The following ZNF670 variants were observed in gnomAD, a reference collection of about 807,000 sequenced individuals.
ZNF670 encodes zinc finger protein 670.
Under a neutral mutation model 10.9 loss-of-function variants are expected in ZNF670, and 7 were observed. That is an observed-to-expected ratio of 0.64 (90% CI 0.36 to 1.20). The LOEUF (loss-of-function observed/expected upper bound fraction) is 1.20, where lower values mean the gene tolerates loss of function less well. Among genes scored for constraint, ZNF670 ranks in the 50% most tolerant of loss-of-function variants. ZNF670 has a pLI of 0.02. For missense variants in ZNF670, 446 were observed against 458.6 expected (o/e 0.97, Z 0.25); for synonymous variants, 136 against 152.7 (o/e 0.89, Z 0.81).
At chr1:247,040,130 ACT>A (rs1558336121) in intron 1 of ZNF670, among the ~76,000 whole-genome samples, 1 of 152,174 alleles carries the variant, frequency 6.6e-6, no homozygotes, top group East Asian at 1.9e-4. Context: ...TCTGAAAAAC[ACT>A]CTGAGCATTA....
chr1:247,035,937 T>C lies in ZNF670; in HGVS notation c.*1512A>G, dbSNP rs1240860881. 6.6e-6 allele frequency among the ~76,000 whole-genome samples: 1 copy of C among 152,190 alleles called. No homozygotes were observed. Among genetic ancestry groups the C allele is most frequent in the East Asian group, 1.9e-4 (1 of 5,198 alleles). On this transcript the variant is annotated 3_prime_UTR_variant, in exon 4 of 4. Transcript: ENST00000366503. Reference sequence around the variant, plus strand: ...ATATCAAAAATCCTCTAATGAGCATTTCTGTTGAGCATAAGACTGGTGCTC... The same window carrying C: ...ATATCAAAAATCCTCTAATGAGCATCTCTGTTGAGCATAAGACTGGTGCTC...
At chr1:247,075,112 C>T (rs1010251041) in intron 1 of ZNF670, among the ~76,000 whole-genome samples, 51 of 152,108 alleles carry the variant, frequency 3.4e-4, no homozygotes, top group Non-Finnish European at 5.9e-4. Context: ...GAGGCACTTA[C>T]GTTTAATACC....
At chr1:247,050,646 T>C (rs1188459623) in intron 1 of ZNF670, among the ~76,000 whole-genome samples, 1 of 151,984 alleles carries the variant, frequency 6.6e-6, no homozygotes, top group Non-Finnish European at 1.5e-5. Flanking sequence ...CAACTAATTT[T>C]TGTATTTTTA....
intron 1 of ZNF670, among the ~76,000 whole-genome samples, chr1:247,072,659 T>C (rs1446721532): frequency 1.3e-5 from 2 of 150,838 alleles, no homozygotes; most frequent in East Asian, 2.0e-4. Context: ...TGGCGGTGCA[T>C]GCCTGTAATC....
chr1:247,063,485 A>G (rs1670908075), intron 1 of ZNF670, among the ~76,000 whole-genome samples: 1 of 148,442 alleles, frequency 6.7e-6, no homozygotes, highest in South Asian at 2.2e-4. Context: ...TGGGAGGCTG[A>G]GGCAGGAGAA....
chr1:247,046,564 A>G (rs1670454038), intron 1 of ZNF670, among the ~76,000 whole-genome samples: 1 of 152,232 alleles, frequency 6.6e-6, no homozygotes, highest in South Asian at 2.1e-4. Flanking sequence ...GGTAGCTTCC[A>G]CCTAAATTTC....
intron 1 of ZNF670, among the ~76,000 whole-genome samples, chr1:247,040,666 C>T (rs1205373646): frequency 1.3e-5 from 2 of 152,046 alleles, no homozygotes; most frequent in Non-Finnish European, 2.9e-5. Context: ...TTTAAATAAG[C>T]AGGAATTTAT....
chr1:247,044,008 A>C (rs989020470), intron 1 of ZNF670: 4 of 198,290 alleles, frequency 2.0e-5, no homozygotes, highest in African/African-American at 9.6e-5. Flanking sequence ...AAGAAGAGTG[A>C]TTTACAAAAA....
At position 247,063,000 on chromosome 1, in the gene ZNF670, T is replaced by C. The variant is rs138611437; in HGVS notation, c.3+15594A>G. Among the ~76,000 whole-genome samples the C allele has an allele frequency of 2.6e-3, 398 of 152,326 alleles. 4 individuals carry two copies. The highest frequency in any genetic ancestry group is 9.3e-3 in the African/African-American group (386 of 41,566). ...GATACATCACTCTTTACAGTTTCCA[T>C]AGAGGAATCTCAGCCCAAAGACATT... On this transcript the variant is annotated intron_variant, in intron 1 of 3. Transcript: ENST00000366503.
Position 247,078,583 on chromosome 1 carries a change from G to A in ZNF670, c.3+11C>T, listed in dbSNP as rs1222197822. ...TTTCCCCTTCCCGAGACACCTGGCC[G>A]GCACACTCACCATTTCCCAGTCTCC... On this transcript the variant is annotated intron_variant, in intron 1 of 3. Transcript: ENST00000366503. The A allele has an allele frequency of 6.2e-7, 1 of 1,613,792 alleles. No homozygotes were observed. The highest frequency in any genetic ancestry group is 8.5e-7 in the Non-Finnish European group (1 of 1,179,864).
chr1:247,067,674 CT>C lies in ZNF670; in HGVS notation c.3+10919del, dbSNP rs1406395313. On this transcript the variant is annotated intron_variant, in intron 1 of 3. Coordinates refer to ENST00000366503, the MANE Select transcript of ZNF670 (RefSeq NM_033213.5). Reference sequence around the variant, plus strand: ...CGGCTAAAACGGTGAAACCCCGTCTCTACTAAAAATACAAAAAATTAGCCGG... The same window carrying C: ...CGGCTAAAACGGTGAAACCCCGTCTCACTAAAAATACAAAAAATTAGCCGG... Among the ~76,000 whole-genome samples the C allele has an allele frequency of 6.7e-5, 10 of 148,956 alleles. 1 individual carries two copies. In the Middle Eastern group the frequency reaches 0.017, roughly 260 times the overall value.
chr1:247,078,402 G>A (rs963472556), intron 1 of ZNF670, among the ~76,000 whole-genome samples, 192 bp downstream of exon 1: 2 of 152,224 alleles, frequency 1.3e-5, no homozygotes, highest in African/African-American at 4.8e-5. Context: ...GGGCCTGGCC[G>A]AAGCGGCGGG....
At chr1:247,061,381 C>A (rs1386949965) in intron 1 of ZNF670, among the ~76,000 whole-genome samples, 1 of 151,998 alleles carries the variant, frequency 6.6e-6, no homozygotes, top group Non-Finnish European at 1.5e-5. Context: ...TGGGGTTTCA[C>A]CATCTTGGCC....
At chr1:247,040,161 T>C (rs982971951) in intron 1 of ZNF670, among the ~76,000 whole-genome samples, 3 of 152,224 alleles carry the variant, frequency 2.0e-5, no homozygotes, top group Non-Finnish European at 1.5e-5. Flanking sequence ...ATGAGCATTC[T>C]TGGTAAACAA....
At chr1:247,057,586 T>A (rs1298314270) in intron 1 of ZNF670, among the ~76,000 whole-genome samples, 4 of 152,170 alleles carry the variant, frequency 2.6e-5, no homozygotes, top group Non-Finnish European at 4.4e-5. Context: ...GCAACCAAAG[T>A]GTCCATCAAC....
At chr1:247,042,593 C>A (rs1328173961) in intron 1 of ZNF670, among the ~76,000 whole-genome samples, 1 of 152,142 alleles carries the variant, frequency 6.6e-6, no homozygotes, top group African/African-American at 2.4e-5. Flanking sequence ...AATCTGCTGC[C>A]AAAACCCAGA....
rs770623644 is a variant in ZNF670 at position 247,039,548 on chromosome 1, G to A, written c.4-11C>T. The A allele has an allele frequency of 1.7e-5, 27 of 1,571,868 alleles. No homozygotes were observed. The Admixed American group carries it at 1.8e-4, about 10-fold the overall frequency. ...AAATGACACTGAATCCTAGAATATCGCACATATGTGGAGAGGAGGATGGCT... is the reference window on the plus strand; with the variant it reads ...AAATGACACTGAATCCTAGAATATCACACATATGTGGAGAGGAGGATGGCT... On this transcript the variant is annotated splice_polypyrimidine_tract_variant and intron_variant, in intron 1 of 3. Coordinates refer to ENST00000366503, the MANE Select transcript of ZNF670 (RefSeq NM_033213.5).
chr1:247,045,826 A>C (rs1670431153), intron 1 of ZNF670, among the ~76,000 whole-genome samples: 1 of 152,216 alleles, frequency 6.6e-6, no homozygotes, highest in South Asian at 2.1e-4. Context: ...AGAGTGGTTA[A>C]GTGATTGAAA....
rs1670187217 is a variant in ZNF670, at chr1:247,037,534, T to G, written c.1085A>C (p.Glu362Ala). 3 of 1,614,156 alleles carry G rather than the reference T, an allele frequency of 1.9e-6. No homozygotes were observed. Among genetic ancestry groups the G allele is most frequent in the Non-Finnish European group, 2.5e-6 (3 of 1,179,994 alleles). ...ACATTTCTTACATTCATAGGGTTTT[T>G]CTCCAGTATGAGTCCTTTCATGGCT... ...LRSHERTHTG[E>A]KPYECKKCGK... Residue 362 changes from glutamate (E) to alanine (A), a missense_variant, in exon 4 of 4, where the codon GAA becomes GCA. Glu to Ala is a moderately radical substitution (Grantham distance 107, BLOSUM62 -1). Coordinates refer to ENST00000366503, the MANE Select transcript of ZNF670 (RefSeq NM_033213.5).
Sources: gnomAD v4.1 joint callset for allele counts (sites outside exome capture counted in the v4.1 genomes callset) on GRCh38, gnomAD v4.1.1 for gene constraint, MANE v1.5 for transcripts, NCBI Gene and HGNC (gene_info 2026-07-23, HGNC 2026-07-21) for gene names.